Variants in BRWD3 observed in about 807,000 individuals in gnomAD.
BRWD3 encodes bromodomain and WD repeat domain containing 3.
Under a neutral mutation model 149.7 loss-of-function variants are expected in BRWD3, and 10 were observed. The ratio of observed to expected loss-of-function variants is 0.07; its 90% confidence interval spans 0.04 to 0.11. The LOEUF (loss-of-function observed/expected upper bound fraction) is 0.11. BRWD3 is among the 10% of genes least tolerant of loss of function. The pLI is 1.00. For synonymous variants in BRWD3, 504 were observed against 456.7 expected (o/e 1.10, Z -1.32); for missense variants, 940 against 1,373.2 (o/e 0.68, Z 4.99).
intron 6 of BRWD3, chrX:80,746,874 T>A (rs1254694380): frequency 1.3e-6 from 1 of 743,435 alleles, no homozygotes; most frequent in Non-Finnish European, 1.6e-6. Flanking sequence ...CCACTGGCCA[T>A]TTTAACTGAC....
chrX:80,753,805 C>T (rs185991854), intron 6 of BRWD3, among the ~76,000 whole-genome samples: 1 of 111,543 alleles, frequency 9.0e-6, no homozygotes, highest in East Asian at 2.8e-4. Context: ...ATGTTCTTGT[C>T]AGCTTTGTCA....
intron 4 of BRWD3, among the ~76,000 whole-genome samples, chrX:80,799,489 A>G (rs996076068): frequency 2.7e-5 from 3 of 112,479 alleles, no homozygotes; most frequent in Non-Finnish European, 5.6e-5. Flanking sequence ...CTGAGATTGC[A>G]TGCTCAAAAA....
intron 12 of BRWD3, among the ~76,000 whole-genome samples, chrX:80,732,735 G>A (rs1269236544): frequency 8.9e-6 from 1 of 111,968 alleles, no homozygotes; most frequent in African/African-American, 3.2e-5. Context: ...ATAGAGAATA[G>A]TAGCAAAGAA....
At position 80,695,996 on chromosome X, in the gene BRWD3, C is replaced by G. The variant is rs2147700302; in HGVS notation, c.3069-6G>C. On this transcript the variant is annotated splice_region_variant and splice_polypyrimidine_tract_variant and intron_variant, in intron 26 of 40. Coordinates refer to ENST00000373275, the MANE Select transcript of BRWD3 (RefSeq NM_153252.5). ...CATCCGGCATGTCATGATACCTATA[C>G]AGAAAATAAAGCACATATGAATCAA... 1 of 1,181,389 alleles carries G rather than the reference C, an allele frequency of 8.5e-7. No homozygotes were observed. The highest frequency in any genetic ancestry group is 3.0e-5 in the East Asian group (1 of 33,613).
intron 8 of BRWD3, among the ~76,000 whole-genome samples, chrX:80,740,653 G>T (rs1386295295): frequency 9.8e-5 from 11 of 111,937 alleles, no homozygotes; most frequent in Admixed American, 6.7e-4. Flanking sequence ...GGAGGTGGAG[G>T]TGGGAAGATC....
Position 80,693,659 on chromosome X carries a change from A to G in BRWD3, c.3152-608T>C, listed in dbSNP as rs1326280990. On this transcript the variant is annotated intron_variant, in intron 27 of 40. Coordinates refer to ENST00000373275, the MANE Select transcript of BRWD3 (RefSeq NM_153252.5). ...ACTGGCAGCATTTTGCCCATGCCCTAAGATCTGTGGAAACTTGAACTTGAG... is the reference window on the plus strand; with the variant it reads ...ACTGGCAGCATTTTGCCCATGCCCTGAGATCTGTGGAAACTTGAACTTGAG... 3.6e-5 allele frequency among the ~76,000 whole-genome samples: 4 copies of G among 111,929 alleles called. No individual in the cohort carries two copies. The Admixed American group carries it at 3.8e-4, about 11-fold the overall frequency.
At position 80,758,231 on chromosome X, in the gene BRWD3, C is replaced by T. The variant is rs776972445; in HGVS notation, c.431-12502G>A. On this transcript the variant is annotated intron_variant, in intron 6 of 40. Coordinates refer to ENST00000373275, the MANE Select transcript of BRWD3 (RefSeq NM_153252.5). ...AATAAAAAATAAAAAATAAAAAAGT[C>T]AAACGAGGTCTCTGTCCTCGTGGAA... 4.5e-5 allele frequency among the ~76,000 whole-genome samples: 5 copies of T among 111,641 alleles called. 1 individual carries two copies. In the South Asian group the frequency reaches 1.9e-3, roughly 42 times the overall value.
intron 37 of BRWD3, among the ~76,000 whole-genome samples, chrX:80,683,791 C>G (rs1056384687): frequency 9.0e-6 from 1 of 111,079 alleles, no homozygotes; most frequent in Non-Finnish European, 1.9e-5. Context: ...ACTACCTCTC[C>G]TCTCCTTGTT....
intron 12 of BRWD3, among the ~76,000 whole-genome samples, chrX:80,731,256 G>A (rs1402909380): frequency 9.0e-6 from 1 of 111,249 alleles, no homozygotes; most frequent in Non-Finnish European, 1.9e-5. Flanking sequence ...ATATTTCTTT[G>A]ATTATTAGTA....
intron 30 of BRWD3, 46 bp from the exon 31 acceptor site, chrX:80,691,219 AC>A: frequency 1.7e-6 from 2 of 1,165,782 alleles, no homozygotes; most frequent in Admixed American, 2.2e-5. Flanking sequence ...AAGGACATTA[AC>A]ATCTCATGGT....
chrX:80,767,957 A>G (rs1007485428), intron 6 of BRWD3, among the ~76,000 whole-genome samples: 8 of 111,923 alleles, frequency 7.1e-5, no homozygotes, highest in Non-Finnish European at 1.5e-4. Context: ...AGCCGATTCG[A>G]TCAATTGGAA....
rs2073095208 is a variant in BRWD3, at chrX:80,717,852, T to C, written c.2045-93A>G. ...CTAAATAAAACAGTAGATTCAAATA[T>C]AGTACTGCTGTAAGAATTGCTATCC... On this transcript the variant is annotated intron_variant, in intron 18 of 40. Coordinates refer to ENST00000373275, the MANE Select transcript of BRWD3 (RefSeq NM_153252.5). 8 of 767,319 alleles carry C rather than the reference T, an allele frequency of 1.0e-5. No homozygotes were observed. In the Admixed American group the frequency reaches 1.7e-4, roughly 17 times the overall value. The allele number at this position is 767,319 out of a possible 1,213,427, so 63.2% of individuals were successfully genotyped here. A position where few individuals can be genotyped will look rare whatever the true frequency, so the allele number is the denominator to read the frequency against.
chrX:80,730,656 G>A (rs773626233), intron 12 of BRWD3, among the ~76,000 whole-genome samples: 1 of 111,184 alleles, frequency 9.0e-6, no homozygotes, highest in South Asian at 3.7e-4. Context: ...AAAAACCAAT[G>A]AATTTTATGT....
intron 20 of BRWD3, among the ~76,000 whole-genome samples, chrX:80,713,813 C>G (rs1381794754): frequency 1.8e-5 from 2 of 112,455 alleles, no homozygotes; most frequent in Non-Finnish European, 3.8e-5. Context: ...GAAATCTAAA[C>G]TCTGCTCTTT....
At chrX:80,695,268 A>G (rs746327941) in intron 27 of BRWD3, among the ~76,000 whole-genome samples, 28 of 111,993 alleles carry the variant, frequency 2.5e-4, no homozygotes, top group African/African-American at 8.1e-4. Flanking sequence ...TTTTCTTTAT[A>G]AATTACCCAG....
intron 20 of BRWD3, among the ~76,000 whole-genome samples, chrX:80,711,367 A>G (rs751433102): frequency 8.9e-6 from 1 of 111,929 alleles, no homozygotes; most frequent in South Asian, 3.7e-4. Flanking sequence ...ACTTAACCCT[A>G]TATAACGTGT....
rs2074142668 is a variant in BRWD3 at position 80,788,698 on chromosome X, T to A, written c.430+3156A>T. On this transcript the variant is annotated intron_variant, in intron 6 of 40. Coordinates refer to ENST00000373275, the MANE Select transcript of BRWD3 (RefSeq NM_153252.5). ...TACATGAATATTTATAATAGCTTTA[T>A]CCATAATAGGCAAAATTATTGAACA... Among the ~76,000 whole-genome samples, 3 of 112,169 alleles carry A rather than the reference T, an allele frequency of 2.7e-5. No homozygotes were observed. In the South Asian group the frequency reaches 1.1e-3, roughly 40 times the overall value.
At chrX:80,738,719 T>C (rs900639525) in intron 8 of BRWD3, among the ~76,000 whole-genome samples, 2 of 111,394 alleles carry the variant, frequency 1.8e-5, no homozygotes, top group East Asian at 2.8e-4. Context: ...ACAAAGCACA[T>C]AGAAACTGAG....
intron 13 of BRWD3, among the ~76,000 whole-genome samples, chrX:80,729,635 T>TA (rs780931430): frequency 9.0e-6 from 1 of 111,231 alleles, no homozygotes. Flanking sequence ...TAATGACCTA[T>TA]AAAAAACTAA....
Sources: gnomAD v4.1 joint callset for allele counts (sites outside exome capture counted in the v4.1 genomes callset) on GRCh38, gnomAD v4.1.1 for gene constraint, MANE v1.5 for transcripts, NCBI Gene and HGNC (gene_info 2026-07-23, HGNC 2026-07-21) for gene names.